Variants in ANXA13 observed in about 807,000 individuals in gnomAD.
ANXA13 encodes the protein annexin A13.
ANXA13 carries 36 observed loss-of-function variants against 46.6 expected under a neutral mutation model. That is an observed-to-expected ratio of 0.77 (90% CI 0.59 to 1.02). The LOEUF is 1.02. Ranked by LOEUF, ANXA13 falls within the 50% of genes least tolerant of loss-of-function variation. ANXA13 has a pLI of 0.00. For missense variants in ANXA13, 417 were observed against 396.5 expected, an observed-to-expected ratio of 1.05 and a Z score of -0.44; for synonymous variants, 163 against 152.9, an observed-to-expected ratio of 1.07 and a Z score of -0.49.
At position 123,706,554 on chromosome 8, in the gene ANXA13, A is replaced by C. The variant is rs180674582; in HGVS notation, c.92-3818T>G. Among the ~76,000 whole-genome samples, 9 of 152,222 alleles carry C rather than the reference A, an allele frequency of 5.9e-5. No individual in the cohort carries two copies. The East Asian group carries it at 1.7e-3, about 29-fold the overall frequency. On this transcript the variant is annotated intron_variant, in intron 2 of 10. Transcript: ENST00000419625. ...CACCTCCTTAGTGCCTCTCAGATGC[A>C]CCCATTTCTCTCCATCCTCATCTCC... is the stretch of plus-strand genomic sequence containing the variant.
chr8:123,702,880 T>C (rs17257150), intron 2 of ANXA13, 144 bp from the exon 3 acceptor site: 4 of 674,896 alleles, frequency 5.9e-6, no homozygotes, highest in South Asian at 5.4e-5. Flanking sequence ...TTAGCTTTGA[T>C]GCCTTGTGCT....
At chr8:123,717,116 A>G (rs2129909671) in intron 1 of ANXA13, among the ~76,000 whole-genome samples, 1 of 152,296 alleles carries the variant, frequency 6.6e-6, no homozygotes, top group African/African-American at 2.4e-5. Context: ...GTCAATAATA[A>G]TGATTTTGGA....
chr8:123,703,981 T>G (rs563451629), intron 2 of ANXA13, among the ~76,000 whole-genome samples: 15 of 152,210 alleles, frequency 9.9e-5, no homozygotes, highest in Admixed American at 2.0e-4. Context: ...TGCATGACAT[T>G]GGGCAAGTGA....
In ANXA13 at chr8:123,682,357, A is replaced by G. The variant is rs1586308192; in HGVS notation, c.832-998T>C. On this transcript the variant is annotated intron_variant, in intron 10 of 10. Transcript: ENST00000419625. Reference sequence around the variant, plus strand: ...TAGCAAAGGAGACGATACTTGTACCAGAAAAGATGTAATTCCAGGTAGAAC... The same window carrying G: ...TAGCAAAGGAGACGATACTTGTACCGGAAAAGATGTAATTCCAGGTAGAAC... Among the ~76,000 whole-genome samples the G allele has an allele frequency of 2.0e-5, 3 of 152,376 alleles. No individual in the cohort carries two copies. In the East Asian group the frequency reaches 5.8e-4, roughly 29 times the overall value.
At chr8:123,711,275 A>G (rs1296361466) in intron 2 of ANXA13, among the ~76,000 whole-genome samples, 2 of 152,176 alleles carry the variant, frequency 1.3e-5, no homozygotes, top group African/African-American at 4.8e-5. Flanking sequence ...AACAACACCT[A>G]TGAAGGCATC....
intron 9 of ANXA13, 26 bp downstream of exon 9, chr8:123,688,845 C>G: frequency 6.2e-7 from 1 of 1,609,388 alleles, no homozygotes; most frequent in Non-Finnish European, 8.5e-7. Flanking sequence ...CAACCTAAGA[C>G]AGGAGCTCTC....
chr8:123,705,751 A>T (rs572669039), intron 2 of ANXA13, among the ~76,000 whole-genome samples: 4 of 152,236 alleles, frequency 2.6e-5, no homozygotes, highest in African/African-American at 9.6e-5. Flanking sequence ...ATGCATTTTG[A>T]TGGAAGGGTT....
chr8:123,736,990 A>G (rs1027273010), intron 1 of ANXA13, among the ~76,000 whole-genome samples: 3 of 151,232 alleles, frequency 2.0e-5, no homozygotes, highest in African/African-American at 7.3e-5. Context: ...CTGGGACTAC[A>G]GGCATGTTCC....
chr8:123,698,506 C>A lies in ANXA13; in HGVS notation c.240G>T (p.Ala80=). The A allele has an allele frequency of 6.2e-7, 1 of 1,614,228 alleles. No individual in the cohort carries two copies. ...CGCTGGGACGGTCCAGAAGGGCCAA[C>A]GCTGTCTTCTCGAAGTTTCCACTCA... ...SELSGNFEKT[A]LALLDRPSEY... is the part of the protein sequence containing the mutation. The change falls in exon 4 of 11, where the codon GCG becomes GCT. Residue 80 remains alanine, a synonymous_variant. Transcript: ENST00000419625.
At chr8:123,727,937 T>C (rs982633672) in intron 1 of ANXA13, 4 of 152,098 alleles carry the variant, frequency 2.6e-5, no homozygotes, top group Non-Finnish European at 5.9e-5. Context: ...AGATGACAAA[T>C]CTGAAAGATG....
At chr8:123,710,607 A>C (rs906805324) in intron 2 of ANXA13, among the ~76,000 whole-genome samples, 1 of 151,844 alleles carries the variant, frequency 6.6e-6, no homozygotes, top group African/African-American at 2.4e-5. Context: ...GTCTGTCCCC[A>C]CCCCCTCCAG....
chr8:123,692,773 A>T (rs7005089), intron 8 of ANXA13, among the ~76,000 whole-genome samples: 1 of 152,200 alleles, frequency 6.6e-6, no homozygotes, highest in Non-Finnish European at 1.5e-5. Context: ...TACAAACAGG[A>T]TGGAGAGATT....
At position 123,698,497 on chromosome 8, in the gene ANXA13, A is replaced by G; in HGVS notation, c.249T>C (p.Leu83=). The change falls in exon 4 of 11, where the codon CTT becomes CTC. Residue 83 remains leucine, a synonymous_variant. Transcript: ENST00000419625. The part of the protein sequence containing the change: ...SGNFEKTALA[L]LDRPSEYAAR... Reference sequence around the variant, plus strand: ...CGGCGTACTCGCTGGGACGGTCCAGAAGGGCCAACGCTGTCTTCTCGAAGT... The same window carrying G: ...CGGCGTACTCGCTGGGACGGTCCAGGAGGGCCAACGCTGTCTTCTCGAAGT... 1 of 1,614,226 alleles carries G rather than the reference A, an allele frequency of 6.2e-7. No individual in the cohort carries two copies. Among genetic ancestry groups the G allele is most frequent in the South Asian group, 1.1e-5 (1 of 91,090 alleles).
intron 1 of ANXA13, chr8:123,728,683 C>T (rs1365148742): frequency 6.6e-6 from 1 of 152,100 alleles, no homozygotes; most frequent in Non-Finnish European, 1.5e-5. Context: ...TTCTGATTTG[C>T]TGAAAAGGAA....
intron 8 of ANXA13, among the ~76,000 whole-genome samples, chr8:123,689,245 T>A (rs1219891237): frequency 6.8e-6 from 1 of 148,038 alleles, no homozygotes; most frequent in African/African-American, 2.5e-5. Context: ...AATTAATATA[T>A]AATATATATT....
chr8:123,735,972 A>C, intron 1 of ANXA13: 1 of 1,378,832 alleles, frequency 7.3e-7, no homozygotes, highest in Non-Finnish European at 9.7e-7. Flanking sequence ...TTATCCTCCT[A>C]AGCTGTGAAT....
chr8:123,692,124 G>A (rs548747423), intron 8 of ANXA13, among the ~76,000 whole-genome samples: 4 of 152,184 alleles, frequency 2.6e-5, no homozygotes, highest in Admixed American at 6.5e-5. Flanking sequence ...TTATCTGCTG[G>A]CAACACATAG....
chr8:123,702,263 T>TG (rs1813459132), intron 3 of ANXA13, among the ~76,000 whole-genome samples: 1 of 151,962 alleles, frequency 6.6e-6, no homozygotes, highest in Non-Finnish European at 1.5e-5. Context: ...AGAGTTTTTT[T>TG]GGTAGTTTTC....
intron 2 of ANXA13, among the ~76,000 whole-genome samples, chr8:123,711,452 G>A (rs929209019): frequency 2.6e-5 from 4 of 152,010 alleles, no homozygotes; most frequent in Non-Finnish European, 5.9e-5. Flanking sequence ...AGACCTAGAT[G>A]CTGTCTCCCT....
Sources: gnomAD v4.1 joint callset for allele counts (sites outside exome capture counted in the v4.1 genomes callset) on GRCh38, gnomAD v4.1.1 for gene constraint, MANE v1.5 for transcripts, NCBI Gene and HGNC (gene_info 2026-07-23, HGNC 2026-07-21) for gene names.